The following ANKH variants were observed in gnomAD, a reference collection of about 807,000 sequenced individuals.
The protein encoded by ANKH is ANKH inorganic pyrophosphate transport regulator, also known as mineralization regulator ANKH.
In ANKH, 15 loss-of-function variants were observed where a neutral mutation model predicts 49.0. That is an observed-to-expected ratio of 0.31 (90% CI 0.20 to 0.47). ANKH has a LOEUF of 0.47. ANKH is among the 20% of genes least tolerant of loss of function. ANKH has a pLI of 1.00. For synonymous variants in ANKH, 273 were observed against 260.0 expected (o/e 1.05, Z -0.48); for missense variants, 429 against 652.0 (o/e 0.66, Z 3.72).
intron 1 of ANKH, among the ~76,000 whole-genome samples, chr5:14,825,076 CT>C (rs1019501772): frequency 1.3e-5 from 2 of 152,148 alleles, no homozygotes; most frequent in Non-Finnish European, 2.9e-5. Context: ...AAAATAGGTA[CT>C]TTCCTCATTT....
At chr5:14,774,362 T>C (rs1739544497) in intron 1 of ANKH, among the ~76,000 whole-genome samples, 1 of 152,324 alleles carries the variant, frequency 6.6e-6, no homozygotes, top group African/African-American at 2.4e-5. Context: ...CTCCAACTAG[T>C]GCATTACTTC....
In ANKH at chr5:14,713,098, G is replaced by C. The variant is rs926535015; in HGVS notation, c.1266-125C>G. ...CTGAGACCAGCGGCGTTCTCCATCTGCTGGCTTCGTAAGGGCCGCAGCTAA... is the reference window on the plus strand; with the variant it reads ...CTGAGACCAGCGGCGTTCTCCATCTCCTGGCTTCGTAAGGGCCGCAGCTAA... On this transcript the variant is annotated intron_variant, in intron 10 of 11. Transcript: ENST00000284268. This position sits in a 1 kb window ranked among gnomAD's most constrained non-coding sequence, Gnocchi z 4.4. 2 of 957,774 alleles carry C rather than the reference G, an allele frequency of 2.1e-6. No homozygotes were observed. The highest frequency in any genetic ancestry group is 1.6e-6 in the Non-Finnish European group (1 of 619,388). The allele number at this position is 957,774 out of a possible 1,614,324, so 59.3% of individuals were successfully genotyped here.
chr5:14,830,031 A>C (rs1741456361), intron 1 of ANKH, among the ~76,000 whole-genome samples: 1 of 152,174 alleles, frequency 6.6e-6, no homozygotes. Context: ...TGTCTGTATG[A>C]GAGATGGAGG....
chr5:14,831,795 C>T (rs1234144222), intron 1 of ANKH, among the ~76,000 whole-genome samples: 1 of 152,142 alleles, frequency 6.6e-6, no homozygotes, highest in Non-Finnish European at 1.5e-5. Flanking sequence ...TTTCCTCAAC[C>T]TACATATTCA....
chr5:14,756,970 G>A (rs1379232794), intron 3 of ANKH, among the ~76,000 whole-genome samples: 2 of 152,130 alleles, frequency 1.3e-5, no homozygotes, highest in Non-Finnish European at 2.9e-5. Context: ...CTCTCTTATG[G>A]CAAATAAATA....
At chr5:14,729,395 C>G (rs1251040115) in intron 8 of ANKH, among the ~76,000 whole-genome samples, 1 of 151,140 alleles carries the variant, frequency 6.6e-6, no homozygotes, top group East Asian at 2.0e-4. Context: ...ACCATGTTGG[C>G]CAGGTTGGTC....
At chr5:14,772,935 A>G (rs1739493907) in intron 1 of ANKH, among the ~76,000 whole-genome samples, 1 of 152,196 alleles carries the variant, frequency 6.6e-6, no homozygotes, top group Admixed American at 6.5e-5. Context: ...GATTTTATAC[A>G]CTGGGGTGTG....
chr5:14,736,523 C>T (rs886636737), intron 8 of ANKH, among the ~76,000 whole-genome samples: 2 of 152,118 alleles, frequency 1.3e-5, no homozygotes, highest in African/African-American at 2.4e-5. Context: ...TGGGAGGGCC[C>T]CAGGGTCTCT....
At chr5:14,764,620 G>GT (rs1739200426) in intron 2 of ANKH, among the ~76,000 whole-genome samples, 1 of 152,176 alleles carries the variant, frequency 6.6e-6, no homozygotes, top group Non-Finnish European at 1.5e-5. Flanking sequence ...GGATCGGGGT[G>GT]GTTTTTTACA....
intron 1 of ANKH, among the ~76,000 whole-genome samples, chr5:14,867,370 T>A (rs1322463792): frequency 6.6e-6 from 1 of 152,146 alleles, no homozygotes; most frequent in Admixed American, 6.5e-5. Flanking sequence ...ATATATCATA[T>A]GCTGAGATAC....
chr5:14,785,121 C>T (rs1739933045), intron 1 of ANKH, among the ~76,000 whole-genome samples: 5 of 152,214 alleles, frequency 3.3e-5, no homozygotes. Flanking sequence ...ACTGCCCAAA[C>T]ACAGTTATTT....
intron 2 of ANKH, 154 bp downstream of exon 2, chr5:14,768,821 G>T: frequency 1.2e-6 from 1 of 811,856 alleles, no homozygotes; most frequent in Non-Finnish European, 2.1e-6. Flanking sequence ...TAAGCTAGGA[G>T]CACAAGCGCT....
intron 1 of ANKH, among the ~76,000 whole-genome samples, chr5:14,816,867 G>A (rs1372757479): frequency 6.6e-6 from 1 of 152,136 alleles, no homozygotes; most frequent in African/African-American, 2.4e-5. Flanking sequence ...CACTCATTTG[G>A]GATGTGACCA....
At chr5:14,855,339 G>A (rs540473475) in intron 1 of ANKH, among the ~76,000 whole-genome samples, 1 of 152,240 alleles carries the variant, frequency 6.6e-6, no homozygotes, top group East Asian at 1.9e-4. Context: ...CTCACCTGAA[G>A]GCAAGCACTG....
At chr5:14,783,852 G>C (rs1739889981) in intron 1 of ANKH, among the ~76,000 whole-genome samples, 1 of 152,152 alleles carries the variant, frequency 6.6e-6, no homozygotes, top group Non-Finnish European at 1.5e-5. Context: ...GAGGTAGTAA[G>C]TGCCCATGCT....
intron 3 of ANKH, 141 bp from the exon 4 acceptor site, chr5:14,756,085 T>C (rs1738875782): frequency 1.3e-6 from 1 of 754,850 alleles, no homozygotes; most frequent in East Asian, 2.7e-5. Flanking sequence ...AAATCTTTGG[T>C]TGGTAAAATT....
rs189698691 is a variant in ANKH at position 14,866,497 on chromosome 5, G to T, written c.96+4855C>A. Among the ~76,000 whole-genome samples the T allele has an allele frequency of 3.9e-4, 60 of 152,156 alleles. 1 individual carries two copies. The highest frequency in any genetic ancestry group is 1.3e-3 in the African/African-American group (56 of 41,518). ...TGTTCTATGTCATTTGGTGAATTTGGCTTTTAAGGAAATTGGGGACTCTGA... is the reference window on the plus strand; with the variant it reads ...TGTTCTATGTCATTTGGTGAATTTGTCTTTTAAGGAAATTGGGGACTCTGA... On this transcript the variant is annotated intron_variant, in intron 1 of 11. Coordinates refer to ENST00000284268, the MANE Select transcript of ANKH (RefSeq NM_054027.6).
At chr5:14,771,465 C>G (rs961775221) in intron 1 of ANKH, among the ~76,000 whole-genome samples, 6 of 152,224 alleles carry the variant, frequency 3.9e-5, no homozygotes, top group African/African-American at 1.4e-4. Context: ...CCTGCCACCG[C>G]TGGACTTCCC....
intron 1 of ANKH, among the ~76,000 whole-genome samples, chr5:14,785,995 G>A (rs1319596235): frequency 7.2e-6 from 1 of 137,942 alleles, no homozygotes; most frequent in Non-Finnish European, 1.5e-5. Context: ...GCAGTGAGCC[G>A]AGATCACGCC....
Sources: allele counts gnomAD v4.1 joint callset (sites outside exome capture counted in the v4.1 genomes callset), GRCh38; gene constraint gnomAD v4.1.1; non-coding constraint Gnocchi (gnomAD v3.1); transcripts MANE v1.5; gene names NCBI Gene and HGNC (gene_info 2026-07-23, HGNC 2026-07-21).